The following PIGL variants were observed in gnomAD, a reference collection of about 807,000 sequenced individuals.
PIGL encodes the protein N-acetylglucosaminyl-phosphatidylinositol de-N-acetylase.
Under a neutral mutation model 31.1 loss-of-function variants are expected in PIGL, and 22 were observed. The ratio of observed to expected loss-of-function variants is 0.71; its 90% CI spans 0.51 to 1.01. The LOEUF is 1.01. Ranked by LOEUF, PIGL falls within the 50% of genes least tolerant of loss-of-function variation. The probability of loss-of-function intolerance (pLI) is 0.00; values close to 1 mark genes in which losing one functional copy is unlikely to be tolerated. For synonymous variants in PIGL, 131 were observed against 117.4 expected (o/e 1.12, Z -0.75); for missense variants, 302 against 315.9 (o/e 0.96, Z 0.33).
intron 2 of PIGL, among the ~76,000 whole-genome samples, chr17:16,253,173 G>T (rs932280048): frequency 6.6e-6 from 1 of 152,156 alleles, no homozygotes; most frequent in African/African-American, 2.4e-5. Context: ...AGAATAGCTT[G>T]AACCCGGGAG....
intron 2 of PIGL, among the ~76,000 whole-genome samples, chr17:16,286,670 C>G (rs1049436824): frequency 6.6e-6 from 1 of 152,110 alleles, no homozygotes; most frequent in Non-Finnish European, 1.5e-5. Flanking sequence ...GCTAAATACA[C>G]CCCAGGGAAG....
intron 2 of PIGL, among the ~76,000 whole-genome samples, chr17:16,283,547 G>A (rs1226469479): frequency 6.6e-6 from 1 of 152,186 alleles, no homozygotes; most frequent in Non-Finnish European, 1.5e-5. Context: ...CTGGCCAGGT[G>A]CCGTGGCTCA....
chr17:16,272,851 T>C (rs1465757968), intron 2 of PIGL, among the ~76,000 whole-genome samples: 1 of 152,126 alleles, frequency 6.6e-6, no homozygotes, highest in Non-Finnish European at 1.5e-5. Context: ...GCCATTCTTG[T>C]CATCTGCCTG....
chr17:16,243,074 G>A (rs986147210), intron 2 of PIGL, among the ~76,000 whole-genome samples: 2 of 152,002 alleles, frequency 1.3e-5, no homozygotes, highest in South Asian at 2.1e-4. Flanking sequence ...TTTATGAGAC[G>A]GAGTCTTGCT....
intron 1 of PIGL, among the ~76,000 whole-genome samples, chr17:16,226,453 T>C (rs2092652670): frequency 6.6e-6 from 1 of 152,162 alleles, no homozygotes; most frequent in Non-Finnish European, 1.5e-5. Context: ...GATAACCATA[T>C]TTCCTTTTAT....
intron 6 of PIGL, 146 bp from the exon 7 acceptor site, chr17:16,325,654 C>G (rs2093124364): frequency 3.1e-6 from 2 of 642,780 alleles, no homozygotes; most frequent in Admixed American, 5.2e-5. Context: ...CAGAGAGGTT[C>G]GTGGGTTACA....
intron 2 of PIGL, among the ~76,000 whole-genome samples, chr17:16,264,163 C>CT (rs1435465239): frequency 3.3e-5 from 5 of 151,400 alleles, no homozygotes; most frequent in African/African-American, 1.2e-4. Flanking sequence ...CAGGTGCCTG[C>CT]TATCACACCC....
At chr17:16,321,357 C>T (rs115671086) in intron 6 of PIGL, among the ~76,000 whole-genome samples, 1,628 of 150,656 alleles carry the variant, frequency 0.011, 30 homozygotes, top group African/African-American at 0.037. Context: ...TTTTCTGCAT[C>T]ACACTCCCGA....
At chr17:16,302,647 T>G (rs2093009831) in intron 3 of PIGL, among the ~76,000 whole-genome samples, 1 of 152,132 alleles carries the variant, frequency 6.6e-6, no homozygotes, top group Non-Finnish European at 1.5e-5. Context: ...GTCACCAGGC[T>G]GGAATGCAGT....
chr17:16,313,623 C>A lies in PIGL; in HGVS notation c.494+9C>A. On this transcript the variant is annotated intron_variant, in intron 4 of 6. Coordinates refer to ENST00000225609, the MANE Select transcript of PIGL (RefSeq NM_004278.4). The stretch of plus-strand genomic sequence containing the variant: ...CTGTATGCAGCTGTGAGGTATGATT[C>A]TCCGGGTGATGGATGTGGGGGAGGG... 6.2e-7 allele frequency: 1 copy of A among 1,604,494 alleles called. No individual in the cohort carries two copies. The highest frequency in any genetic ancestry group is 8.5e-7 in the Non-Finnish European group (1 of 1,171,282).
At chr17:16,266,735 A>G (rs1223137250) in intron 2 of PIGL, among the ~76,000 whole-genome samples, 1 of 152,000 alleles carries the variant, frequency 6.6e-6, no homozygotes. Context: ...AGCTGGGAAT[A>G]CAGGCGCCCG....
intron 6 of PIGL, among the ~76,000 whole-genome samples, chr17:16,319,591 C>T (rs1341731436): frequency 6.6e-6 from 1 of 151,884 alleles, no homozygotes; most frequent in African/African-American, 2.4e-5. Flanking sequence ...CCCGTCTCTA[C>T]TAAAATACAA....
chr17:16,320,533 A>AGAAG (rs545055209), intron 6 of PIGL, among the ~76,000 whole-genome samples: 77 of 145,448 alleles, frequency 5.3e-4, no homozygotes, highest in African/African-American at 1.6e-3. Flanking sequence ...AAAGAAAAGA[A>AGAAG]GAAGGAAGGA....
chr17:16,272,287 C>G (rs2092876288), intron 2 of PIGL, among the ~76,000 whole-genome samples: 1 of 152,154 alleles, frequency 6.6e-6, no homozygotes, highest in Non-Finnish European at 1.5e-5. Context: ...AGGACTACAC[C>G]TGGACATCTG....
chr17:16,296,667 G>A (rs1376204450), intron 2 of PIGL, among the ~76,000 whole-genome samples: 1 of 149,602 alleles, frequency 6.7e-6, no homozygotes, highest in Admixed American at 6.6e-5. Flanking sequence ...TTTTTTTAAA[G>A]GAGGGTTTAA....
chr17:16,228,673 C>T lies in PIGL; in HGVS notation c.236-5298C>T, dbSNP rs1233988894. ...AAAGTGATGGGATTACAGGCGTAAGCCACCACGCCCGGCGATTTTAAACAT... is the reference window on the plus strand; with the variant it reads ...AAAGTGATGGGATTACAGGCGTAAGTCACCACGCCCGGCGATTTTAAACAT... On this transcript the variant is annotated intron_variant, in intron 1 of 6. Transcript: ENST00000225609. Among the ~76,000 whole-genome samples, 3 of 152,250 alleles carry T rather than the reference C, an allele frequency of 2.0e-5. No individual in the cohort carries two copies. In the East Asian group the frequency reaches 5.8e-4, roughly 29 times the overall value.
chr17:16,280,764 G>A (rs966678504), intron 2 of PIGL, among the ~76,000 whole-genome samples: 1 of 152,168 alleles, frequency 6.6e-6, no homozygotes. Context: ...GGAGTGCAGT[G>A]GCACGATCTT....
intron 1 of PIGL, among the ~76,000 whole-genome samples, chr17:16,228,180 T>G (rs2092661340): frequency 6.7e-6 from 1 of 150,156 alleles, no homozygotes; most frequent in South Asian, 2.1e-4. Flanking sequence ...GCCCCCTGAA[T>G]AGCTGGGATT....
chr17:16,224,774 A>G (rs2092644693), intron 1 of PIGL, among the ~76,000 whole-genome samples: 1 of 152,112 alleles, frequency 6.6e-6, no homozygotes, highest in Admixed American at 6.5e-5. Context: ...CTCCTGCCTC[A>G]GCCTCCCAAA....
Sources: gnomAD v4.1 joint callset for allele counts (sites outside exome capture counted in the v4.1 genomes callset) on GRCh38, gnomAD v4.1.1 for gene constraint, MANE v1.5 for transcripts, NCBI Gene and HGNC (gene_info 2026-07-23, HGNC 2026-07-21) for gene names.